The following SLC25A24 variants were observed in gnomAD, a reference collection of about 807,000 sequenced individuals.
The protein encoded by SLC25A24 is solute carrier family 25 member 24, also known as mitochondrial adenyl nucleotide antiporter SLC25A24.
A neutral mutation model predicts 60.7 loss-of-function variants in SLC25A24; 49 were observed. The observed-to-expected ratio is 0.81, with a 90% CI of 0.64 to 1.02. The LOEUF (loss-of-function observed/expected upper bound fraction) is 1.02, where lower values mean the gene tolerates loss of function less well. Ranked by LOEUF, SLC25A24 falls within the 50% of genes least tolerant of loss-of-function variation. SLC25A24 has a pLI of 0.00. For synonymous variants in SLC25A24, 202 were observed against 200.6 expected (o/e 1.01, Z -0.06); for missense variants, 564 against 586.3 (o/e 0.96, Z 0.39).
chr1:108,186,041 T>C (rs1481319234), intron 1 of SLC25A24, 87 bp from the exon 2 acceptor site: 19 of 1,090,374 alleles, frequency 1.7e-5, no homozygotes, highest in Non-Finnish European at 2.4e-5. Context: ...AGATTAGCTG[T>C]TTTCCTAAAA....
At chr1:108,195,852 T>C (rs2101649650) in intron 1 of SLC25A24, among the ~76,000 whole-genome samples, 1 of 152,120 alleles carries the variant, frequency 6.6e-6, no homozygotes, top group East Asian at 1.9e-4. Flanking sequence ...ATACAAAAGT[T>C]AACCAGGTGT....
intron 3 of SLC25A24, among the ~76,000 whole-genome samples, chr1:108,178,692 T>C (rs1191347558): frequency 1.3e-5 from 2 of 151,976 alleles, no homozygotes; most frequent in Admixed American, 6.5e-5. Flanking sequence ...CGGGTGCCTG[T>C]AGTCCCAGCT....
At chr1:108,193,040 GAA>G (rs1648395333) in intron 1 of SLC25A24, among the ~76,000 whole-genome samples, 2 of 139,996 alleles carry the variant, frequency 1.4e-5, no homozygotes, top group African/African-American at 5.0e-5. Context: ...CTTTTGGAGA[GAA>G]GTAGGTTGGG....
intron 7 of SLC25A24, among the ~76,000 whole-genome samples, chr1:108,146,227 G>T (rs1282209044): frequency 6.6e-6 from 1 of 152,118 alleles, no homozygotes; most frequent in African/African-American, 2.4e-5. Flanking sequence ...TGTATTATTG[G>T]TTAATAGGAA....
At chr1:108,148,754 T>C (rs1434384171) in intron 6 of SLC25A24, among the ~76,000 whole-genome samples, 2 of 152,234 alleles carry the variant, frequency 1.3e-5, no homozygotes, top group Non-Finnish European at 2.9e-5. Context: ...ATTTCCGTTG[T>C]TGATTCCACA....
chr1:108,143,844 A>T, intron 7 of SLC25A24, 134 bp from the exon 8 acceptor site: 1 of 705,846 alleles, frequency 1.4e-6, no homozygotes, highest in South Asian at 2.0e-5. Context: ...TTGTTGATAC[A>T]TTCTCTTTCA....
intron 3 of SLC25A24, among the ~76,000 whole-genome samples, chr1:108,175,158 C>T (rs933631117): frequency 2.0e-5 from 3 of 152,138 alleles, no homozygotes; most frequent in Non-Finnish European, 4.4e-5. Context: ...TCACCCAAAT[C>T]TCATTTTGAA....
intron 7 of SLC25A24, among the ~76,000 whole-genome samples, chr1:108,144,157 A>G (rs1427988708): frequency 2.0e-5 from 3 of 152,180 alleles, no homozygotes; most frequent in Non-Finnish European, 4.4e-5. Context: ...AGGTGTGTGG[A>G]GTAATATAAA....
chr1:108,161,904 G>C (rs1055118853), intron 3 of SLC25A24, among the ~76,000 whole-genome samples: 1 of 150,800 alleles, frequency 6.6e-6, no homozygotes, highest in African/African-American at 2.4e-5. Flanking sequence ...CCACTAACTC[G>C]TCATCTAGCA....
rs1007844993 is a variant in SLC25A24 at position 108,192,247 on chromosome 1, G to A, written c.184-6293C>T. Among the ~76,000 whole-genome samples the A allele has an allele frequency of 1.4e-5, 2 of 139,464 alleles. 1 individual carries two copies. Among genetic ancestry groups the A allele is most frequent in the Admixed American group, 1.6e-4 (2 of 12,342 alleles). The allele number at this position is 139,464 out of a possible 152,430, so 91.5% of individuals were successfully genotyped here. ...GACTCCTAAGACAAGGCTGTATGTA[G>A]CCAACATCTTGAGAGCAATCTGAAG... On this transcript the variant is annotated intron_variant, in intron 1 of 9. Transcript: ENST00000565488.
chr1:108,184,761 A>T (rs560686052), intron 2 of SLC25A24, among the ~76,000 whole-genome samples: 3 of 152,210 alleles, frequency 2.0e-5, no homozygotes, highest in Non-Finnish European at 4.4e-5. Flanking sequence ...CACATGACCC[A>T]CAAAGCTAAA....
At chr1:108,178,988 T>C (rs952258966) in intron 3 of SLC25A24, among the ~76,000 whole-genome samples, 2 of 151,710 alleles carry the variant, frequency 1.3e-5, no homozygotes, top group South Asian at 2.1e-4. Flanking sequence ...CCAAAACCCA[T>C]GGAACACAGT....
intron 1 of SLC25A24, among the ~76,000 whole-genome samples, chr1:108,191,763 C>T (rs563369718): frequency 3.1e-4 from 44 of 140,164 alleles, no homozygotes; most frequent in African/African-American, 1.1e-3. Context: ...CAATAGTCCA[C>T]ATGCTCATGA....
rs144311406 is a variant in SLC25A24 at position 108,168,651 on chromosome 1, C to T, written c.399-7358G>A. ...TCATTTGCTACTGCTGTTTCTTTCA[C>T]GTGAAATATGCTGTTCATGTCTTTG... On this transcript the variant is annotated intron_variant, in intron 3 of 9. Coordinates refer to ENST00000565488, the MANE Select transcript of SLC25A24 (RefSeq NM_013386.5). Among the ~76,000 whole-genome samples, 820 of 152,296 alleles carry T rather than the reference C, an allele frequency of 5.4e-3. 4 individuals are homozygous for T. Among genetic ancestry groups the T allele is most frequent in the South Asian group, 0.014 (69 of 4,820 alleles).
In SLC25A24 at chr1:108,182,377, T is replaced by C. The variant is rs201918521; in HGVS notation, c.311-349A>G. Among the ~76,000 whole-genome samples, 20 of 152,306 alleles carry C rather than the reference T, an allele frequency of 1.3e-4. No homozygotes were observed. The East Asian group carries it at 3.7e-3, about 28-fold the overall frequency. Reference sequence around the variant, plus strand: ...AAATCAAGATATTCTAACTCCAAGATAAATTCAATTAAAGTAGGATCTATT... The same window carrying C: ...AAATCAAGATATTCTAACTCCAAGACAAATTCAATTAAAGTAGGATCTATT... On this transcript the variant is annotated intron_variant, in intron 2 of 9. Transcript: ENST00000565488.
intron 6 of SLC25A24, among the ~76,000 whole-genome samples, chr1:108,151,846 C>T (rs1679766334): frequency 6.6e-6 from 1 of 152,208 alleles, no homozygotes; most frequent in Admixed American, 6.5e-5. Context: ...TGAATGCAGT[C>T]ACTCAAGTTA....
chr1:108,163,454 A>G (rs1056165576), intron 3 of SLC25A24, among the ~76,000 whole-genome samples: 2 of 149,896 alleles, frequency 1.3e-5, no homozygotes, highest in Non-Finnish European at 3.0e-5. Flanking sequence ...ATTTGTTTGT[A>G]TCCTCTTTTA....
intron 2 of SLC25A24, among the ~76,000 whole-genome samples, chr1:108,184,118 T>G (rs1273758735): frequency 6.8e-6 from 1 of 148,018 alleles, no homozygotes; most frequent in Non-Finnish European, 1.5e-5. Flanking sequence ...TTGTGTAGAT[T>G]TCCTACAAAT....
chr1:108,174,782 G>C (rs1647613033), intron 3 of SLC25A24, among the ~76,000 whole-genome samples: 1 of 152,228 alleles, frequency 6.6e-6, no homozygotes, highest in Admixed American at 6.5e-5. Flanking sequence ...CTGGATGTGT[G>C]ATGTGGAGTC....
Sources: allele counts gnomAD v4.1 joint callset (sites outside exome capture counted in the v4.1 genomes callset), GRCh38; gene constraint gnomAD v4.1.1; transcripts MANE v1.5; gene names NCBI Gene and HGNC (gene_info 2026-07-23, HGNC 2026-07-21).